Variants in CHIA observed in about 807,000 individuals in gnomAD.
CHIA encodes acidic mammalian chitinase.
A neutral mutation model predicts 53.5 loss-of-function variants in CHIA; 47 were observed. That is an observed-to-expected ratio of 0.88 (90% CI 0.70 to 1.12). The LOEUF (loss-of-function observed/expected upper bound fraction) is 1.12. Among genes scored for constraint, CHIA ranks in the 50% most tolerant of loss-of-function variants. The pLI is 0.00. For synonymous variants in CHIA, 268 were observed against 222.2 expected, an observed-to-expected ratio of 1.21 and a Z score of -1.83; for missense variants, 652 against 592.2, an observed-to-expected ratio of 1.10 and a Z score of -1.05.
chr1:111,314,709 A>C, intron 5 of CHIA, 113 bp downstream of exon 5: 1 of 671,414 alleles, frequency 1.5e-6, no homozygotes, highest in Non-Finnish European at 2.6e-6. Context: ...GAGGATGTAC[A>C]TAAACAAATA....
intron 2 of CHIA, among the ~76,000 whole-genome samples, chr1:111,310,983 A>G (rs1161168637): frequency 1.3e-5 from 2 of 152,212 alleles, no homozygotes; most frequent in African/African-American, 4.8e-5. Context: ...TACTGAGTTG[A>G]TGATGTACCA....
intron 1 of CHIA, among the ~76,000 whole-genome samples, chr1:111,297,951 C>T (rs1172027274): frequency 7.1e-6 from 1 of 141,410 alleles, no homozygotes; most frequent in Non-Finnish European, 1.5e-5. Context: ...ATCCTAGTCT[C>T]TGATGAAACA....
intron 1 of CHIA, among the ~76,000 whole-genome samples, chr1:111,299,675 G>C (rs1327241447): frequency 6.6e-6 from 1 of 152,136 alleles, no homozygotes; most frequent in African/African-American, 2.4e-5. Context: ...TTGAAAACTG[G>C]CATAAGACAG....
chr1:111,319,439 T>C lies in CHIA; in HGVS notation c.1148T>C (p.Leu383Pro), dbSNP rs745560571. ...NQGKFPLIST[L>P]KKALGLQSAS... Reference sequence around the variant, plus strand: ...GGCAAGTTTCCCCTAATCTCCACCCTGAAGAAGGCCCTCGGCCTGCAGAGT... The same window carrying C: ...GGCAAGTTTCCCCTAATCTCCACCCCGAAGAAGGCCCTCGGCCTGCAGAGT... The change falls in exon 11 of 12, where the codon CTG (leucine) becomes CCG (proline). Residue 383 changes from leucine (L) to proline (P), a missense_variant. Leu to Pro is a moderately conservative substitution (Grantham distance 98). Coordinates refer to ENST00000369740, the MANE Select transcript of CHIA (RefSeq NM_201653.4). 7 of 1,614,072 alleles carry C rather than the reference T, an allele frequency of 4.3e-6. No individual in the cohort carries two copies. In the Admixed American group the frequency reaches 1.2e-4, roughly 27 times the overall value.
At chr1:111,318,433 A>G (rs1553183832) in intron 8 of CHIA, 60 bp from the exon 9 acceptor site, 8 of 1,399,442 alleles carry the variant, frequency 5.7e-6, no homozygotes, top group South Asian at 1.3e-5. Flanking sequence ...GGGGACTAAT[A>G]TAACTAAGTA....
chr1:111,300,071 G>A (rs12404497), intron 1 of CHIA, among the ~76,000 whole-genome samples: 42,014 of 151,646 alleles, frequency 0.28, 6,073 homozygotes, highest in East Asian at 0.35. Flanking sequence ...ACTGCTCAAT[G>A]AAATTAAAGA....
chr1:111,318,780 A>G (rs1402445034), intron 9 of CHIA, 102 bp downstream of exon 9: 3 of 1,309,612 alleles, frequency 2.3e-6, no homozygotes, highest in East Asian at 4.7e-5. Flanking sequence ...TCCTACCTAA[A>G]TGCTTTAAAC....
At chr1:111,298,287 A>G (rs1172642352) in intron 1 of CHIA, among the ~76,000 whole-genome samples, 1 of 152,262 alleles carries the variant, frequency 6.6e-6, no homozygotes, top group Non-Finnish European at 1.5e-5. Context: ...TCAACAGAAT[A>G]TACATTCTTC....
intron 1 of CHIA, among the ~76,000 whole-genome samples, chr1:111,304,020 G>T (rs1011996262): frequency 9.2e-5 from 14 of 152,068 alleles, no homozygotes; most frequent in African/African-American, 3.4e-4. Context: ...AAGATTTTTG[G>T]TTGACACTTT....
rs1185410957 is a variant in CHIA, at chr1:111,290,855, G to C, written c.-164G>C. 2.3e-6 allele frequency: 1 copy of C among 440,668 alleles called. No individual in the cohort carries two copies. Among genetic ancestry groups the C allele is most frequent in the Non-Finnish European group, 4.6e-6 (1 of 215,702 alleles). 27.3% of individuals were successfully genotyped at this position (440,668 alleles called of 1,614,324 possible). A position where few individuals can be genotyped will look rare whatever the true frequency, so the allele number is the denominator to read the frequency against. On this transcript the variant is annotated 5_prime_UTR_variant, in exon 1 of 12. Transcript: ENST00000369740. The stretch of plus-strand genomic sequence containing the variant: ...AGCTAGAGTCCCAGACGGTGCCAAA[G>C]CTTCATGAAACCTCCTCGTCTGTGC...
Position 111,317,691 on chromosome 1 carries a change from A to C in CHIA, c.491A>C (p.Glu164Ala). The C allele has an allele frequency of 3.1e-6, 5 of 1,614,200 alleles. No individual in the cohort carries two copies. Among genetic ancestry groups the C allele is most frequent in the Non-Finnish European group, 3.4e-6 (4 of 1,180,008 alleles). ...LFTVLVQEMR[E>A]AFEQEAKQIN... ...CTTATTATTCTGTAGGAAATGCGTGAAGCTTTTGAGCAGGAGGCCAAGCAG... is the reference window on the plus strand; with the variant it reads ...CTTATTATTCTGTAGGAAATGCGTGCAGCTTTTGAGCAGGAGGCCAAGCAG... The change falls in exon 7 of 12, where the codon GAA becomes GCA. Residue 164 changes from glutamate (E) to alanine (A), a missense_variant. Coordinates refer to ENST00000369740, the MANE Select transcript of CHIA (RefSeq NM_201653.4).
rs1356229746 is a variant in CHIA, at chr1:111,314,556, A to G, written c.274A>G (p.Thr92Ala). 2 of 1,611,748 alleles carry G rather than the reference A, an allele frequency of 1.2e-6. No individual in the cohort carries two copies. Among genetic ancestry groups the G allele is most frequent in the African/African-American group, 2.7e-5 (2 of 74,662 alleles). Reference sequence around the variant, plus strand: ...GTTTTACAGGAACAGCCAGCTGAAAACTCTCCTGGCCATTGGAGGCTGGAA... The same window carrying G: ...GTTTTACAGGAACAGCCAGCTGAAAGCTCTCCTGGCCATTGGAGGCTGGAA... Reference protein sequence around the residue: ...GLKNKNSQLKTLLAIGGWNFG... With the variant: ...GLKNKNSQLKALLAIGGWNFG... The change falls in exon 5 of 12, where the codon ACT becomes GCT. Residue 92 changes from threonine (T) to alanine (A), a missense_variant. Coordinates refer to ENST00000369740, the MANE Select transcript of CHIA (RefSeq NM_201653.4).
At position 111,312,243 on chromosome 1, in the gene CHIA, G is replaced by T. The variant is rs770951786; in HGVS notation, c.109G>T (p.Gly37Cys). ...YFTNWAQYRP[G>C]LGRFMPDNID... ...CACCAACTGGGCCCAGTACCGGCCA[G>T]GCCTGGGGCGCTTCATGCCTGACAA... The change falls in exon 4 of 12, where the codon GGC (glycine) becomes TGC (cysteine). Residue 37 changes from glycine to cysteine, a missense_variant. Physicochemically the swap from Gly to Cys is radical, Grantham distance 159. Transcript: ENST00000369740. The T allele has an allele frequency of 6.2e-7, 1 of 1,614,110 alleles. No individual in the cohort carries two copies. The highest frequency in any genetic ancestry group is 8.5e-7 in the Non-Finnish European group (1 of 1,180,008).
intron 6 of CHIA, 138 bp downstream of exon 6, chr1:111,315,573 C>A: frequency 1.1e-6 from 1 of 901,510 alleles, no homozygotes; most frequent in African/African-American, 1.7e-5. Flanking sequence ...TCTTATATAT[C>A]GTGCGTTCAT....
intron 4 of CHIA, 96 bp downstream of exon 4, chr1:111,312,487 G>T: frequency 1.0e-6 from 1 of 975,426 alleles, no homozygotes. Context: ...ATGGATCTGA[G>T]ATGGGGACCA....
chr1:111,317,434 C>A, intron 6 of CHIA: 1 of 391,766 alleles, frequency 2.6e-6, no homozygotes, highest in Non-Finnish European at 4.8e-6. Flanking sequence ...TGGTCATGAC[C>A]TACCTACTAA....
intron 1 of CHIA, among the ~76,000 whole-genome samples, chr1:111,295,062 TCTC>T (rs1335806905): frequency 2.0e-5 from 3 of 152,232 alleles, no homozygotes; most frequent in African/African-American, 4.8e-5. Context: ...GAAAGTGTTT[TCTC>T]CTCTTCATTT....
intron 1 of CHIA, among the ~76,000 whole-genome samples, chr1:111,307,826 G>A (rs2101629927): frequency 6.6e-6 from 1 of 152,098 alleles, no homozygotes. Context: ...ATTTTTAGTA[G>A]AGACGGGGTT....
chr1:111,316,747 T>C (rs1283272699), intron 6 of CHIA: 1 of 152,184 alleles, frequency 6.6e-6, no homozygotes, highest in East Asian at 1.9e-4. Context: ...AGACTTACTG[T>C]CTCCCAAGAC....
Sources: gnomAD v4.1 joint callset for allele counts (sites outside exome capture counted in the v4.1 genomes callset) on GRCh38, gnomAD v4.1.1 for gene constraint, MANE v1.5 for transcripts, NCBI Gene and HGNC (gene_info 2026-07-23, HGNC 2026-07-21) for gene names.